The following MGST1 variants were observed in gnomAD, a reference collection of about 807,000 sequenced individuals.
MGST1 encodes the protein microsomal glutathione S-transferase 1.
In MGST1, 5 loss-of-function variants were observed where a neutral mutation model predicts 8.9. The ratio of observed to expected loss-of-function variants is 0.56; its 90% confidence interval spans 0.29 to 1.19. The LOEUF (loss-of-function observed/expected upper bound fraction) is 1.19. Among genes scored for constraint, MGST1 ranks in the 50% most tolerant of loss-of-function variants. The pLI, the probability that MGST1 is intolerant of heterozygous loss-of-function variation, is 0.08. For synonymous variants in MGST1, 54 were observed against 67.8 expected (o/e 0.80, Z 1.00); for missense variants, 182 against 187.4 (o/e 0.97, Z 0.17).
At chr12:16,384,838 T>A (rs1417237248) in intron 1 of MGST1, among the ~76,000 whole-genome samples, 1 of 152,214 alleles carries the variant, frequency 6.6e-6, no homozygotes, top group Non-Finnish European at 1.5e-5. Flanking sequence ...CGCAGCTTCC[T>A]GGAGTTCTGA....
chr12:16,574,206 C>A (rs1320040711), intron 4 of MGST1, among the ~76,000 whole-genome samples: 1 of 152,008 alleles, frequency 6.6e-6, no homozygotes, highest in East Asian at 1.9e-4. Context: ...TATTACATAT[C>A]TCGATCACAT....
chr12:16,469,485 G>A (rs1941279154), intron 4 of MGST1, among the ~76,000 whole-genome samples: 2 of 152,026 alleles, frequency 1.3e-5, no homozygotes, highest in South Asian at 2.1e-4. Context: ...CACCATGCCC[G>A]GCCATAATGC....
At chr12:16,393,449 A>C (rs1007643606) in intron 1 of MGST1, among the ~76,000 whole-genome samples, 3 of 152,228 alleles carry the variant, frequency 2.0e-5, no homozygotes, top group Admixed American at 2.0e-4. Flanking sequence ...GAGGCTGCTC[A>C]CACAACAGCA....
chr12:16,510,643 G>A (rs992268571), intron 4 of MGST1, among the ~76,000 whole-genome samples: 3 of 152,098 alleles, frequency 2.0e-5, no homozygotes, highest in Admixed American at 6.5e-5. Flanking sequence ...CTCATATGAT[G>A]GTTAATGATA....
chr12:16,482,574 T>A lies in MGST1; in HGVS notation n.482+98970T>A, dbSNP rs1941371322. ...TGAAACTGGGAGGTGGAGATTGCAG[T>A]GAGCCAAGATCACGCCACTGCACTC... is the stretch of plus-strand genomic sequence containing the variant. On this transcript the variant is annotated intron_variant and non_coding_transcript_variant, in intron 4 of 4. Transcript: ENST00000538857. The surrounding 1 kb of genome is among the most constrained non-coding windows in gnomAD (Gnocchi z 4.2). 6.6e-6 allele frequency among the ~76,000 whole-genome samples: 1 copy of A among 150,434 alleles called. No homozygotes were observed. The highest frequency in any genetic ancestry group is 1.5e-5 in the Non-Finnish European group (1 of 67,824).
At chr12:16,421,248 C>T (rs1272509813) in intron 1 of MGST1, among the ~76,000 whole-genome samples, 2 of 152,098 alleles carry the variant, frequency 1.3e-5, no homozygotes, top group South Asian at 4.2e-4. Flanking sequence ...CATATCTCCC[C>T]CTACTGATCA....
chr12:16,496,642 T>G (rs1233263439), intron 4 of MGST1, among the ~76,000 whole-genome samples: 1 of 152,084 alleles, frequency 6.6e-6, no homozygotes, highest in Non-Finnish European at 1.5e-5. Flanking sequence ...CCCTCTCCCT[T>G]CTAGTAGTTC....
At chr12:16,480,507 A>C (rs1313345315) in intron 4 of MGST1, among the ~76,000 whole-genome samples, 2 of 152,224 alleles carry the variant, frequency 1.3e-5, no homozygotes, top group African/African-American at 2.4e-5. Context: ...AAATATTTGC[A>C]AAACACATAT....
chr12:16,420,668 T>A (rs1262318021), intron 1 of MGST1, among the ~76,000 whole-genome samples: 11 of 152,148 alleles, frequency 7.2e-5, no homozygotes, highest in Admixed American at 7.2e-4. Flanking sequence ...TAGACCTTTC[T>A]TCCTATTCAT....
At chr12:16,443,270 CAT>C (rs1287010031), downstream of MGST1, among the ~76,000 whole-genome samples, 8 of 151,760 alleles carry the variant, frequency 5.3e-5, no homozygotes, top group East Asian at 1.6e-3. Flanking sequence ...TTGAAAATAA[CAT>C]ATAATTTGAC....
In MGST1 at chr12:16,371,772, T is replaced by G. The variant is rs192048383; in HGVS notation, c.222-4350T>G. ...CCTTCCTGTTTTATAAGTACCTATGTAACATACTTGATTTTGCCTCTTAGC... is the reference window on the plus strand; with the variant it reads ...CCTTCCTGTTTTATAAGTACCTATGGAACATACTTGATTTTGCCTCTTAGC... On this transcript the variant is annotated intron_variant, in intron 3 of 3. Coordinates refer to the MGST1 transcript ENST00000535309. Among the ~76,000 whole-genome samples the G allele has an allele frequency of 6.8e-4, 104 of 152,192 alleles. 1 individual carries two copies. Among genetic ancestry groups the G allele is most frequent in the African/African-American group, 2.3e-3 (97 of 41,562 alleles).
chr12:16,384,493 A>C (rs1045847348), intron 1 of MGST1, among the ~76,000 whole-genome samples: 9 of 152,206 alleles, frequency 5.9e-5, no homozygotes, highest in African/African-American at 2.2e-4. Context: ...AAGGGTTGCA[A>C]GCAACCAGAA....
In MGST1 at chr12:16,548,944, G is replaced by T. The variant is rs775872342; in HGVS notation, n.483-40584G>T. 5.9e-5 allele frequency: 9 copies of T among 152,104 alleles called. No individual in the cohort carries two copies. The highest frequency in any genetic ancestry group is 1.2e-4 in the Non-Finnish European group (8 of 68,016). The allele number at this position is 152,104 out of a possible 1,614,324, so 9.4% of individuals were successfully genotyped here. ...AGAAAAAGCAGTGAAAACCTTGTTT[G>T]GTCTTCCAGTGGCAAGGATAGTTGA... is the stretch of plus-strand genomic sequence containing the variant. On this transcript the variant is annotated intron_variant and non_coding_transcript_variant, in intron 4 of 4. Transcript: ENST00000538857. The surrounding 1 kb of genome is among the most constrained non-coding windows in gnomAD (Gnocchi z 4.2).
intron 1 of MGST1, among the ~76,000 whole-genome samples, chr12:16,403,290 G>C (rs961928551): frequency 6.6e-6 from 1 of 152,036 alleles, no homozygotes; most frequent in African/African-American, 2.4e-5. Flanking sequence ...AATGTGTGAA[G>C]TTATTCCCCT....
chr12:16,577,864 C>A (rs1198262670), intron 4 of MGST1, among the ~76,000 whole-genome samples: 1 of 152,146 alleles, frequency 6.6e-6, no homozygotes, highest in Admixed American at 6.5e-5. Context: ...AAATGTGTCA[C>A]CTAATTATGG....
intron 4 of MGST1, among the ~76,000 whole-genome samples, chr12:16,470,877 T>G (rs1456675419): frequency 6.6e-6 from 1 of 152,222 alleles, no homozygotes; most frequent in East Asian, 1.9e-4. Context: ...TGAGATCATT[T>G]AAAACAAAAT....
intron 1 of MGST1, among the ~76,000 whole-genome samples, chr12:16,423,766 A>G (rs1337459562): frequency 6.6e-6 from 1 of 152,184 alleles, no homozygotes; most frequent in Non-Finnish European, 1.5e-5. Flanking sequence ...TCCTCTAACC[A>G]AGAGCACCAG....
chr12:16,499,384 G>C (rs1438512729), intron 4 of MGST1, among the ~76,000 whole-genome samples: 2 of 152,168 alleles, frequency 1.3e-5, no homozygotes, highest in Non-Finnish European at 2.9e-5. Flanking sequence ...TGAGGTATCA[G>C]GTCTAGAACA....
At chr12:16,365,728 T>TAC (rs1565439890), downstream of MGST1, among the ~76,000 whole-genome samples, 104 of 151,454 alleles carry the variant, frequency 6.9e-4, no homozygotes, top group African/African-American at 2.5e-3. Context: ...TGCATGAACA[T>TAC]GCACGCGTGC....
Sources: allele counts gnomAD v4.1 joint callset (sites outside exome capture counted in the v4.1 genomes callset), GRCh38; gene constraint gnomAD v4.1.1; non-coding constraint Gnocchi (gnomAD v3.1); transcripts MANE v1.5; gene names NCBI Gene and HGNC (gene_info 2026-07-23, HGNC 2026-07-21).